The following BRD7 variants were observed in gnomAD, a reference collection of about 807,000 sequenced individuals.
The protein encoded by BRD7 is bromodomain containing 7.
BRD7 carries 15 observed loss-of-function variants against 82.1 expected under a neutral mutation model. The observed-to-expected ratio is 0.18, with a 90% confidence interval of 0.12 to 0.28. The LOEUF is 0.28. BRD7 is among the 10% of genes least tolerant of loss of function. The probability of loss-of-function intolerance (pLI) is 1.00; values close to 1 mark genes in which losing one functional copy is unlikely to be tolerated. For synonymous variants in BRD7, 232 were observed against 266.9 expected (o/e 0.87, Z 1.27); for missense variants, 638 against 779.9 (o/e 0.82, Z 2.17).
At chr16:50,349,235 G>A (rs1379360801) in intron 5 of BRD7, 16 of 205,864 alleles carry the variant, frequency 7.8e-5, no homozygotes, top group East Asian at 4.9e-4. Context: ...ATCACACACC[G>A]GGGCCTGTTG....
intron 5 of BRD7, among the ~76,000 whole-genome samples, chr16:50,341,092 G>C (rs72786281): frequency 0.18 from 27,106 of 150,284 alleles, 2,912 homozygotes; most frequent in Admixed American, 0.26. Context: ...AGTATATGTG[G>C]ATCTTCAGTT....
At chr16:50,328,779 T>A in intron 8 of BRD7, 35 bp from the exon 9 acceptor site, 1 of 1,590,502 alleles carries the variant, frequency 6.3e-7, no homozygotes, top group Non-Finnish European at 8.6e-7. Flanking sequence ...TGGAATGAAG[T>A]GTTTTATACA....
rs1473578006 is a variant in BRD7 at position 50,333,584 on chromosome 16, A to G, written c.1001T>C (p.Val334Ala). ...ESGGKLTRRL[V>A]NSQCEFERRK... The stretch of plus-strand genomic sequence containing the variant: ...GCAAAGCTCAATCACCTGACTGTTC[A>G]CAAGCCGCCTGGTCAGCTTTCCTCC... Residue 334 changes from valine to alanine, a missense_variant, in exon 8 of 17, where the codon GTG becomes GCG. By Grantham distance (64) the Val-to-Ala change is moderately conservative. This residue lies in a region of BRD7 where 402 missense variants were observed against 500.8 expected (regional missense o/e 0.80). Transcript: ENST00000394688. 1.2e-6 allele frequency: 2 copies of G among 1,611,978 alleles called. No homozygotes were observed. The highest frequency in any genetic ancestry group is 1.7e-6 in the Non-Finnish European group (2 of 1,179,846).
intron 5 of BRD7, among the ~76,000 whole-genome samples, chr16:50,348,219 TG>T (rs1326731786): frequency 6.6e-6 from 1 of 152,238 alleles, no homozygotes; most frequent in African/African-American, 2.4e-5. Flanking sequence ...TGTAGAAAGC[TG>T]AAACTGGATC....
chr16:50,336,035 A>G (rs555001176), intron 6 of BRD7, among the ~76,000 whole-genome samples: 19 of 152,348 alleles, frequency 1.2e-4, no homozygotes, highest in South Asian at 6.2e-4. Context: ...GTACTTTTCC[A>G]ACCATTACAT....
At chr16:50,366,799 TTAC>T (rs1198964825) in intron 2 of BRD7, among the ~76,000 whole-genome samples, 3 of 152,130 alleles carry the variant, frequency 2.0e-5, no homozygotes, top group Non-Finnish European at 2.9e-5. Context: ...ACGAATTACT[TTAC>T]TACTATTAAT....
intron 5 of BRD7, among the ~76,000 whole-genome samples, chr16:50,348,102 T>C (rs7404122): frequency 0.15 from 22,735 of 152,042 alleles, 2,129 homozygotes; most frequent in Non-Finnish European, 0.21. Context: ...TCAGAAATAA[T>C]AACACACATC....
At chr16:50,356,644 G>A (rs1375699748) in intron 2 of BRD7, among the ~76,000 whole-genome samples, 2 of 151,742 alleles carry the variant, frequency 1.3e-5, no homozygotes, top group Non-Finnish European at 2.9e-5. Flanking sequence ...GGTTCTATCA[G>A]AAGGAAAGAC....
At chr16:50,321,823 C>CTGA (rs59906469) in intron 13 of BRD7, among the ~76,000 whole-genome samples, 159 bp downstream of exon 13, 64 of 152,304 alleles carry the variant, frequency 4.2e-4, no homozygotes, top group African/African-American at 1.5e-3. Context: ...CAACTTGGCA[C>CTGA]TGATATGCAT....
chr16:50,339,873 T>C, intron 6 of BRD7, 103 bp downstream of exon 6: 2 of 550,886 alleles, frequency 3.6e-6, no homozygotes, highest in Non-Finnish European at 6.1e-6. Flanking sequence ...TATAACCTGC[T>C]AATAAAATAA....
intron 8 of BRD7, among the ~76,000 whole-genome samples, chr16:50,332,088 T>TA (rs1164131008): frequency 1.3e-5 from 2 of 152,142 alleles, no homozygotes; most frequent in East Asian, 3.9e-4. Flanking sequence ...GGCAAAGAAT[T>TA]TTCTATGTTC....
intron 11 of BRD7, among the ~76,000 whole-genome samples, chr16:50,324,801 C>G (rs1265878027): frequency 6.6e-6 from 1 of 152,224 alleles, no homozygotes; most frequent in Non-Finnish European, 1.5e-5. Context: ...GGGCATGGGC[C>G]TTTGCCAGTG....
rs774227123 is a variant in BRD7 at position 50,368,688 on chromosome 16, C to T, written c.49+38G>A. On this transcript the variant is annotated intron_variant, in intron 1 of 16. Coordinates refer to ENST00000394688, the MANE Select transcript of BRD7 (RefSeq NM_013263.5). ...AAAGAGCGGAAGCCCGGCAGAGCCG[C>T]CGAGGGCCCGCCGCCCGCACCCCGG... The T allele has an allele frequency of 2.6e-6, 4 of 1,544,044 alleles. No homozygotes were observed. The East Asian group carries it at 8.2e-5, about 32-fold the overall frequency.
Position 50,326,266 on chromosome 16 carries a change from C to T in BRD7, c.1195+18G>A, listed in dbSNP as rs1417595453. 2 of 1,599,210 alleles carry T rather than the reference C, an allele frequency of 1.3e-6. No homozygotes were observed. Among genetic ancestry groups the T allele is most frequent in the Non-Finnish European group, 1.7e-6 (2 of 1,167,904 alleles). On this transcript the variant is annotated intron_variant, in intron 10 of 16. Coordinates refer to ENST00000394688, the MANE Select transcript of BRD7 (RefSeq NM_013263.5). Reference sequence around the variant, plus strand: ...AAAACAGAGAAGAGAAAAAATGACTCCTATGCAGGAGCCTCACCTGGAGTG... The same window carrying T: ...AAAACAGAGAAGAGAAAAAATGACTTCTATGCAGGAGCCTCACCTGGAGTG...
At position 50,368,313 on chromosome 16, in the gene BRD7, AG is replaced by A. The variant is rs1218696130; in HGVS notation, c.50-16del. On this transcript the variant is annotated splice_polypyrimidine_tract_variant and intron_variant, in intron 1 of 16. Transcript: ENST00000394688. ...CTCTACATACTCTTAAAAAAAGAAA[AG>A]AAAAGAAAGGAAAGCGCGTCGATTA... The A allele has an allele frequency of 8.1e-6, 13 of 1,609,972 alleles. No individual in the cohort carries two copies. In the Admixed American group the frequency reaches 2.2e-4, roughly 27 times the overall value.
At position 50,328,731 on chromosome 16, in the gene BRD7, C is replaced by T; in HGVS notation, c.1025G>A (p.Arg342Lys). 1 of 1,613,920 alleles carries T rather than the reference C, an allele frequency of 6.2e-7. No individual in the cohort carries two copies. The change falls in exon 9 of 17, where the codon AGA becomes AAA. Residue 342 changes from arginine to lysine, a missense_variant. Around this residue, in one of 3 missense-constraint regions of BRD7, gnomAD observed 402 missense variants for 500.8 expected, o/e 0.80. Coordinates refer to ENST00000394688, the MANE Select transcript of BRD7 (RefSeq NM_013263.5). ...RLVNSQCEFE[R>K]RKPDGTTTLG... ...CGTCGTTGTTCCATCTGGTTTTCTT[C>T]TTTCAAATTCGCACTGCAATGACCC...
Position 50,316,237 on chromosome 16 carries a change from G to A in BRD7, c.*2974C>T, listed in dbSNP as rs1420489273. 1 of 152,396 alleles carries A rather than the reference G, an allele frequency of 6.6e-6. No individual in the cohort carries two copies. Among genetic ancestry groups the A allele is most frequent in the African/African-American group, 2.4e-5 (1 of 41,428 alleles). 9.4% of individuals were successfully genotyped at this position (152,396 alleles called of 1,614,324 possible). Reference sequence around the variant, plus strand: ...TAAGGAGGACTACTGTCTAGCATCAGCTTATGGGGTCAGCTGGCTGTGGGG... The same window carrying A: ...TAAGGAGGACTACTGTCTAGCATCAACTTATGGGGTCAGCTGGCTGTGGGG... On this transcript the variant is annotated 3_prime_UTR_variant, in exon 17 of 17. Coordinates refer to ENST00000394688, the MANE Select transcript of BRD7 (RefSeq NM_013263.5).
chr16:50,357,254 A>G (rs2038771508), intron 2 of BRD7, among the ~76,000 whole-genome samples: 2 of 152,178 alleles, frequency 1.3e-5, no homozygotes, highest in Admixed American at 1.3e-4. Flanking sequence ...TACAGGGACC[A>G]CACTTTGAGA....
chr16:50,364,543 G>C (rs976906682), intron 2 of BRD7, among the ~76,000 whole-genome samples: 3 of 152,236 alleles, frequency 2.0e-5, no homozygotes, highest in Non-Finnish European at 4.4e-5. Flanking sequence ...ATTCTGAGAG[G>C]TGTGTCCAGA....
Sources: allele counts gnomAD v4.1 joint callset (sites outside exome capture counted in the v4.1 genomes callset), GRCh38; gene constraint gnomAD v4.1.1; regional missense constraint gnomAD v4.1.1; transcripts MANE v1.5; gene names NCBI Gene and HGNC (gene_info 2026-07-23, HGNC 2026-07-21).